Variants in OXNAD1 observed in about 807,000 individuals in gnomAD.
The protein encoded by OXNAD1 is oxidoreductase NAD binding domain containing 1.
In OXNAD1, 34 loss-of-function variants were observed where a neutral mutation model predicts 32.9. That is an observed-to-expected ratio of 1.03 (90% CI 0.79 to 1.38). The LOEUF is 1.38. Among genes scored for constraint, OXNAD1 ranks in the 40% most tolerant of loss-of-function variants. The probability of loss-of-function intolerance (pLI) is 0.00; values close to 1 mark genes in which losing one functional copy is unlikely to be tolerated. For synonymous variants in OXNAD1, 134 were observed against 135.2 expected, an observed-to-expected ratio of 0.99 and a Z score of 0.06; for missense variants, 407 against 379.4, an observed-to-expected ratio of 1.07 and a Z score of -0.60.
Position 16,280,561 on chromosome 3 carries a change from G to A in OXNAD1, c.184-5781G>A, listed in dbSNP as rs2065669721. Among the ~76,000 whole-genome samples, 1 of 152,010 alleles carries A rather than the reference G, an allele frequency of 6.6e-6. No homozygotes were observed. Among genetic ancestry groups the A allele is most frequent in the Non-Finnish European group, 1.5e-5 (1 of 67,984 alleles). On this transcript the variant is annotated intron_variant, in intron 4 of 8. Transcript: ENST00000285083. The surrounding 1 kb of genome is among the most constrained non-coding windows in gnomAD (Gnocchi z 4.5). ...AAAATGGCATATGATTCTTGATAAT[G>A]ACTAAAGTTTCCTTCAATTCTGAAA...
At chr3:16,338,893 A>G (rs921930448), downstream of OXNAD1, among the ~76,000 whole-genome samples, 1 of 152,220 alleles carries the variant, frequency 6.6e-6, no homozygotes, top group Non-Finnish European at 1.5e-5. This position sits in a 1 kb window ranked among gnomAD's most constrained non-coding sequence, Gnocchi z 5.3. Flanking sequence ...CTAGAACCCA[A>G]AACTGTCAAC....
intron 9 of OXNAD1, among the ~76,000 whole-genome samples, chr3:16,330,726 C>T (rs1342636006): frequency 6.6e-6 from 1 of 152,278 alleles, no homozygotes; most frequent in East Asian, 1.9e-4. Context: ...CCTTTGTTCC[C>T]TATAATTTCT....
In OXNAD1 at chr3:16,318,681, T is replaced by C. The variant is rs930917115; in HGVS notation, c.*30+15089T>C. Among the ~76,000 whole-genome samples the C allele has an allele frequency of 2.6e-5, 4 of 152,334 alleles. No homozygotes were observed. The East Asian group carries it at 5.8e-4, about 22-fold the overall frequency. On this transcript the variant is annotated intron_variant, in intron 9 of 9. Transcript: ENST00000435829. ...AATGTTCCATTAAAGTAGAGAAACA[T>C]GAGTGAAATACATGTTGAGGTTAGG...
At chr3:16,315,553 T>G (rs2068297146) in intron 9 of OXNAD1, 1 of 152,084 alleles carries the variant, frequency 6.6e-6, no homozygotes, top group South Asian at 2.1e-4. Flanking sequence ...GATGTAAGGT[T>G]TTTTGCTTAT....
Position 16,271,023 on chromosome 3 carries a change from C to T in OXNAD1, c.71C>T (p.Ala24Val), listed in dbSNP as rs200469248. The change falls in exon 3 of 9, where the codon GCG (alanine) becomes GTG (valine). Residue 24 changes from alanine (A) to valine (V), a missense_variant. Physicochemically the swap from Ala to Val is moderately conservative, Grantham distance 64. Coordinates refer to ENST00000285083, the MANE Select transcript of OXNAD1 (RefSeq NM_138381.5). The surrounding 1 kb of genome is among the most constrained non-coding windows in gnomAD (Gnocchi z 4.6). ...CSVGAIRIEA[A>V]SLRLTLSTLR... ...GTTGGAGCCATCCGTATTGAGGCTG[C>T]GTCACTGAGATTGACACTCAGCACT... The T allele has an allele frequency of 3.7e-5, 59 of 1,614,158 alleles. No individual in the cohort carries two copies. The highest frequency in any genetic ancestry group is 3.3e-5 in the Admixed American group (2 of 60,012).
At chr3:16,292,014 C>G (rs2066462302) in intron 5 of OXNAD1, among the ~76,000 whole-genome samples, 1 of 152,052 alleles carries the variant, frequency 6.6e-6, no homozygotes, top group Non-Finnish European at 1.5e-5. Flanking sequence ...GCTTATTAGC[C>G]ATTTATATGT....
downstream of OXNAD1, among the ~76,000 whole-genome samples, chr3:16,306,301 C>T (rs915010866): frequency 1.1e-4 from 16 of 152,152 alleles, no homozygotes; most frequent in African/African-American, 3.9e-4. Flanking sequence ...TTTTGTCAGC[C>T]CTCAGCTTCT....
intron 9 of OXNAD1, among the ~76,000 whole-genome samples, chr3:16,318,241 G>A (rs575445467): frequency 5.4e-5 from 8 of 149,456 alleles, no homozygotes; most frequent in South Asian, 2.2e-4. Flanking sequence ...CAGAGTGCAC[G>A]TGGGGTTTTA....
chr3:16,313,323 G>A (rs1183808689), intron 9 of OXNAD1, among the ~76,000 whole-genome samples: 7 of 151,130 alleles, frequency 4.6e-5, no homozygotes, highest in Non-Finnish European at 8.8e-5. Flanking sequence ...GACTATAGGC[G>A]TGAGCCACCA....
Position 16,334,264 on chromosome 3 carries a change from T to A in OXNAD1, c.*31-2848T>A, listed in dbSNP as rs939601757. Reference sequence around the variant, plus strand: ...AAAACCCAAAAGTTAGGCAGCCCGCTTTGTTGCCAAGGCCGTGGGGAAGCA... The same window carrying A: ...AAAACCCAAAAGTTAGGCAGCCCGCATTGTTGCCAAGGCCGTGGGGAAGCA... On this transcript the variant is annotated intron_variant, in intron 9 of 9. Coordinates refer to the OXNAD1 transcript ENST00000435829. This position sits in a 1 kb window ranked among gnomAD's most constrained non-coding sequence, Gnocchi z 4.3. Among the ~76,000 whole-genome samples, 1 of 152,216 alleles carries A rather than the reference T, an allele frequency of 6.6e-6. No individual in the cohort carries two copies. Among genetic ancestry groups the A allele is most frequent in the Non-Finnish European group, 1.5e-5 (1 of 68,034 alleles).
In OXNAD1 at chr3:16,317,766, C is replaced by G. The variant is rs2125159002; in HGVS notation, c.*30+14174C>G. On this transcript the variant is annotated intron_variant, in intron 9 of 9. Transcript: ENST00000435829. This position sits in a 1 kb window ranked among gnomAD's most constrained non-coding sequence, Gnocchi z 4.3. ...CAGGACTGGCGGGCCCGCTCCCCAG[C>G]TAGGCCGATAGCCCTTTGCTGACCA... Among the ~76,000 whole-genome samples, 1 of 139,364 alleles carries G rather than the reference C, an allele frequency of 7.2e-6. No homozygotes were observed. Among genetic ancestry groups the G allele is most frequent in the East Asian group, 2.0e-4 (1 of 5,048 alleles). 91.4% of individuals were successfully genotyped at this position (139,364 alleles called of 152,430 possible). A position where few individuals can be genotyped will look rare whatever the true frequency, so the allele number is the denominator to read the frequency against.
downstream of OXNAD1, among the ~76,000 whole-genome samples, chr3:16,351,713 A>G (rs779812363): frequency 6.6e-6 from 1 of 152,204 alleles, no homozygotes; most frequent in Non-Finnish European, 1.5e-5. This position sits in a 1 kb window ranked among gnomAD's most constrained non-coding sequence, Gnocchi z 5.4. Context: ...TCCTAATTAC[A>G]TGTCTTAATT....
chr3:16,288,962 G>C lies in OXNAD1; in HGVS notation c.290+2514G>C, dbSNP rs1184496909. Reference sequence around the variant, plus strand: ...CTACTGTGGGTAGCAGTGTATTGTCGCCTAGTGCCCTGGAGACTGCTCAGC... The same window carrying C: ...CTACTGTGGGTAGCAGTGTATTGTCCCCTAGTGCCCTGGAGACTGCTCAGC... On this transcript the variant is annotated intron_variant, in intron 5 of 8. Transcript: ENST00000285083. The surrounding 1 kb of genome is among the most constrained non-coding windows in gnomAD (Gnocchi z 5.1). Among the ~76,000 whole-genome samples, 2 of 152,136 alleles carry C rather than the reference G, an allele frequency of 1.3e-5. No individual in the cohort carries two copies. Among genetic ancestry groups the C allele is most frequent in the South Asian group, 4.1e-4 (2 of 4,834 alleles).
At chr3:16,326,065 T>A (rs947494320) in intron 9 of OXNAD1, among the ~76,000 whole-genome samples, 5 of 152,250 alleles carry the variant, frequency 3.3e-5, no homozygotes, top group Admixed American at 3.3e-4. Flanking sequence ...CTCAGTTTCC[T>A]CATCTGCAAA....
At position 16,345,535 on chromosome 3, in the gene OXNAD1, C is replaced by A. The variant is rs1448207897; in HGVS notation, c.*31-3641C>A. Among the ~76,000 whole-genome samples the A allele has an allele frequency of 6.6e-6, 1 of 152,104 alleles. No homozygotes were observed. Among genetic ancestry groups the A allele is most frequent in the East Asian group, 1.9e-4 (1 of 5,194 alleles). On this transcript the variant is annotated intron_variant, in intron 9 of 9. Transcript: ENST00000606098. This position sits in a 1 kb window ranked among gnomAD's most constrained non-coding sequence, Gnocchi z 5.2. The stretch of plus-strand genomic sequence containing the variant: ...TGGACACCATCCAGTCATTGAGGAC[C>A]TGAACAGAACAAAGGGTGGAGGAAG...
At chr3:16,295,247 T>G (rs796271069) in intron 6 of OXNAD1, among the ~76,000 whole-genome samples, 11 of 152,332 alleles carry the variant, frequency 7.2e-5, no homozygotes, top group African/African-American at 2.6e-4. Flanking sequence ...TTAAAATATT[T>G]TATATTTTAG....
downstream of OXNAD1, chr3:16,339,236 G>A (rs549514150): frequency 6.6e-6 from 1 of 152,328 alleles, no homozygotes; most frequent in African/African-American, 2.4e-5. Context: ...TCTCTTTGTG[G>A]TGACTCAACT....
rs11425499 is a variant in OXNAD1, at chr3:16,344,330, G to GT, written c.*31-4834dup. ...GTGGATTAGATCAGTAATTTTCAAG[G>GT]TTTTTTTTTTTTAATTAGTAGGATG... On this transcript the variant is annotated intron_variant, in intron 9 of 9. Transcript: ENST00000606098. The surrounding 1 kb of genome is among the most constrained non-coding windows in gnomAD (Gnocchi z 4.4). Among the ~76,000 whole-genome samples the GT allele has an allele frequency of 0.26, 38,416 of 147,290 alleles. 5,021 individuals carry two copies. The highest frequency in any genetic ancestry group is 0.31 in the Middle Eastern group (88 of 286).
intron 9 of OXNAD1, chr3:16,326,630 C>T: frequency 3.1e-6 from 2 of 639,828 alleles, no homozygotes; most frequent in Non-Finnish European, 5.3e-6. Flanking sequence ...TCTGGCTCTG[C>T]TGCTTCCCAG....
Sources: gnomAD v4.1 joint callset for allele counts (sites outside exome capture counted in the v4.1 genomes callset) on GRCh38, gnomAD v4.1.1 for gene constraint, Gnocchi (gnomAD v3.1) non-coding constraint, MANE v1.5 for transcripts, NCBI Gene and HGNC (gene_info 2026-07-23, HGNC 2026-07-21) for gene names.